The following RGS7BP variants were observed in gnomAD, a reference collection of about 807,000 sequenced individuals.
RGS7BP encodes regulator of G protein signaling 7 binding protein, also known as regulator of G protein signaling 7-binding protein.
Under a neutral mutation model 31.3 loss-of-function variants are expected in RGS7BP, and 9 were observed. The ratio of observed to expected loss-of-function variants is 0.29; its 90% CI spans 0.17 to 0.50. The LOEUF is 0.50. Ranked by LOEUF, RGS7BP falls within the 20% of genes least tolerant of loss-of-function variation. RGS7BP has a pLI of 0.98. For synonymous variants in RGS7BP, 115 were observed against 120.1 expected (o/e 0.96, Z 0.28); for missense variants, 274 against 322.0 (o/e 0.85, Z 1.14).
intron 2 of RGS7BP, among the ~76,000 whole-genome samples, chr5:64,571,302 A>G (rs1296156822): frequency 6.6e-6 from 1 of 152,142 alleles, no homozygotes; most frequent in African/African-American, 2.4e-5. Context: ...GAAGTGTACT[A>G]ATTTCTTTAA....
At chr5:64,567,086 G>A (rs7707940) in intron 2 of RGS7BP, among the ~76,000 whole-genome samples, 120,835 of 151,832 alleles carry the variant, frequency 0.8, 48,564 homozygotes, top group African/African-American at 0.9. Flanking sequence ...GTGGAGATTT[G>A]AGATGCTAAT....
At chr5:64,586,620 G>GA (rs1742761071) in intron 3 of RGS7BP, among the ~76,000 whole-genome samples, 1 of 152,210 alleles carries the variant, frequency 6.6e-6, no homozygotes, top group Non-Finnish European at 1.5e-5. Flanking sequence ...ACATTGAGAG[G>GA]TGGTTGCCTG....
At chr5:64,607,370 T>TGGTCA (rs1390921190) in intron 5 of RGS7BP, among the ~76,000 whole-genome samples, 15 of 152,184 alleles carry the variant, frequency 9.9e-5, no homozygotes, top group African/African-American at 3.1e-4. Flanking sequence ...GTGCCCAAGG[T>TGGTCA]GGTCAGGCTA....
intron 2 of RGS7BP, among the ~76,000 whole-genome samples, chr5:64,575,202 T>C (rs555803342): frequency 1.2e-3 from 185 of 152,298 alleles, no homozygotes; most frequent in African/African-American, 4.2e-3. Context: ...ATTTTATTAC[T>C]TTTTTCCATG....
intron 3 of RGS7BP, among the ~76,000 whole-genome samples, chr5:64,583,631 C>G (rs547247263): frequency 4.6e-5 from 7 of 152,108 alleles, no homozygotes; most frequent in Non-Finnish European, 1.0e-4. Flanking sequence ...TGGGTGGCTA[C>G]TTTGGAAGGG....
chr5:64,515,973 A>G (rs986591839), intron 2 of RGS7BP, among the ~76,000 whole-genome samples: 2 of 151,996 alleles, frequency 1.3e-5, no homozygotes, highest in African/African-American at 2.4e-5. Flanking sequence ...CTAATTTTTT[A>G]AAAACTTATT....
At chr5:64,552,936 A>T (rs1317960090) in intron 2 of RGS7BP, among the ~76,000 whole-genome samples, 2 of 152,184 alleles carry the variant, frequency 1.3e-5, no homozygotes, top group Non-Finnish European at 2.9e-5. Flanking sequence ...GCTGTCCAAA[A>T]GAAAATAAAT....
chr5:64,541,768 T>C (rs1741531732), intron 2 of RGS7BP, among the ~76,000 whole-genome samples: 1 of 152,226 alleles, frequency 6.6e-6, no homozygotes, highest in Non-Finnish European at 1.5e-5. Context: ...CAGTGTTTTT[T>C]TTTACTCAGT....
At chr5:64,580,876 T>C (rs1172019062) in intron 3 of RGS7BP, among the ~76,000 whole-genome samples, 23 of 152,184 alleles carry the variant, frequency 1.5e-4, no homozygotes, top group Non-Finnish European at 2.5e-4. Flanking sequence ...TGAAATCTCT[T>C]TCTGCATAGA....
intron 2 of RGS7BP, among the ~76,000 whole-genome samples, chr5:64,538,518 C>CTT (rs1741435781): frequency 1.7e-5 from 1 of 60,572 alleles, no homozygotes; most frequent in Non-Finnish European, 3.5e-5. Flanking sequence ...TTTTTTTTTC[C>CTT]TTTTCTTTTC....
At chr5:64,514,142 T>G (rs1748911514) in intron 2 of RGS7BP, among the ~76,000 whole-genome samples, 1 of 152,188 alleles carries the variant, frequency 6.6e-6, no homozygotes, top group Admixed American at 6.5e-5. Flanking sequence ...GGCCTTTTCC[T>G]TGTGTGTGCA....
At chr5:64,544,153 T>C (rs1224709995) in intron 2 of RGS7BP, among the ~76,000 whole-genome samples, 3 of 152,228 alleles carry the variant, frequency 2.0e-5, no homozygotes. Context: ...GTGTCAGGCA[T>C]TGTATTAAGC....
intron 3 of RGS7BP, 81 bp from the exon 4 acceptor site, chr5:64,594,629 T>C: frequency 7.2e-7 from 1 of 1,388,676 alleles, no homozygotes. Flanking sequence ...TAGCCAACCT[T>C]AGCACTGACA....
intron 2 of RGS7BP, among the ~76,000 whole-genome samples, chr5:64,530,823 T>C (rs984428800): frequency 1.3e-5 from 2 of 152,166 alleles, no homozygotes; most frequent in African/African-American, 2.4e-5. Context: ...GAATAATTTA[T>C]TGGAATCATT....
At chr5:64,530,870 TG>T (rs1749353622) in intron 2 of RGS7BP, among the ~76,000 whole-genome samples, 1 of 151,994 alleles carries the variant, frequency 6.6e-6, no homozygotes, top group Non-Finnish European at 1.5e-5. Context: ...TATAATCACA[TG>T]GGGAAACAAG....
intron 4 of RGS7BP, among the ~76,000 whole-genome samples, chr5:64,596,127 TAGAC>T (rs1258760222): frequency 6.6e-6 from 1 of 152,206 alleles, no homozygotes; most frequent in Non-Finnish European, 1.5e-5. Flanking sequence ...TTGCAGACCT[TAGAC>T]AGCAGCTATA....
In RGS7BP at chr5:64,611,157, T is replaced by G. The variant is rs745919353; in HGVS notation, c.*1905T>G. The G allele has an allele frequency of 8.6e-5, 13 of 151,938 alleles. No homozygotes were observed. Among genetic ancestry groups the G allele is most frequent in the South Asian group, 4.1e-4 (2 of 4,834 alleles). The allele number at this position is 151,938 out of a possible 1,614,324, so 9.4% of individuals were successfully genotyped here. ...ACTTATCTGGTCTGCAAACCTTGAT[T>G]TCAGCTTAATATCCTTTCCTGAATC... On this transcript the variant is annotated 3_prime_UTR_variant, in exon 6 of 6. Coordinates refer to ENST00000334025, the MANE Select transcript of RGS7BP (RefSeq NM_001029875.3).
chr5:64,579,864 A>G (rs1742542207), intron 3 of RGS7BP, among the ~76,000 whole-genome samples: 1 of 152,158 alleles, frequency 6.6e-6, no homozygotes, highest in South Asian at 2.1e-4. Context: ...AGGGATTAAC[A>G]CTATATTAAT....
intron 2 of RGS7BP, among the ~76,000 whole-genome samples, chr5:64,549,399 G>A (rs1050508205): frequency 6.6e-6 from 1 of 152,346 alleles, no homozygotes; most frequent in African/African-American, 2.4e-5. Flanking sequence ...TCAACTGGGT[G>A]GCAGAGTCAG....
Sources: allele counts gnomAD v4.1 joint callset (sites outside exome capture counted in the v4.1 genomes callset), GRCh38; gene constraint gnomAD v4.1.1; transcripts MANE v1.5; gene names NCBI Gene and HGNC (gene_info 2026-07-23, HGNC 2026-07-21).